PCBP3: variants seen among roughly 807,000 people sequenced by gnomAD.
PCBP3 encodes the protein poly(rC)-binding protein 3.
Under a neutral mutation model 52.7 loss-of-function variants are expected in PCBP3, and 25 were observed. The ratio of observed to expected loss-of-function variants is 0.47; its 90% CI spans 0.35 to 0.66. PCBP3 has a LOEUF of 0.66. Among genes scored for constraint, PCBP3 ranks in the 30% least tolerant of loss-of-function variants. PCBP3 has a pLI of 0.01. For missense variants in PCBP3, 391 were observed against 490.3 expected (o/e 0.80, Z 1.91); for synonymous variants, 162 against 183.0 (o/e 0.89, Z 0.93).
In PCBP3 at chr21:45,911,029, A is replaced by G; in HGVS notation, c.599A>G (p.Glu200Gly). 6.2e-7 allele frequency: 1 copy of G among 1,609,616 alleles called. No individual in the cohort carries two copies. The highest frequency in any genetic ancestry group is 8.5e-7 in the Non-Finnish European group (1 of 1,179,936). ...AAGCAGATCTGTGTGGTCATGCTGG[A>G]GGTACCGTCTGCGCGCCAGGGCCAG... ...CVKQICVVML[E>G]SPPKGATIPY... is the part of the protein sequence containing the mutation. The change falls in exon 11 of 18, where the codon GAG becomes GGG. Residue 200 changes from glutamate to glycine, a missense_variant and splice_region_variant. By Grantham distance (98) the Glu-to-Gly change is moderately conservative (BLOSUM62 -2). Transcript: ENST00000681687.
intron 5 of PCBP3, among the ~76,000 whole-genome samples, chr21:45,852,814 C>G (rs1359173916): frequency 6.6e-6 from 1 of 152,192 alleles, no homozygotes; most frequent in Non-Finnish European, 1.5e-5. Context: ...TGATTCAGAC[C>G]TCTGACTTCT....
Position 45,735,753 on chromosome 21 carries a change from G to A in PCBP3, c.-162+324G>A, listed in dbSNP as rs1161360599. Among the ~76,000 whole-genome samples the A allele has an allele frequency of 1.3e-5, 2 of 152,220 alleles. No homozygotes were observed. The highest frequency in any genetic ancestry group is 4.8e-5 in the African/African-American group (2 of 41,464). ...GCAGGAGCTGGAGGGCCAGTTGTTA[G>A]TGCACTTGGAGCCTACTGCACGAGC... On this transcript the variant is annotated intron_variant, in intron 3 of 17. Transcript: ENST00000681687. This position sits in a 1 kb window ranked among gnomAD's most constrained non-coding sequence, Gnocchi z 4.0.
rs1490609917 is a variant in PCBP3 at position 45,802,625 on chromosome 21, G to A, written c.-126+47173G>A. 6.6e-6 allele frequency among the ~76,000 whole-genome samples: 1 copy of A among 152,158 alleles called. No individual in the cohort carries two copies. Among genetic ancestry groups the A allele is most frequent in the Non-Finnish European group, 1.5e-5 (1 of 68,030 alleles). The stretch of plus-strand genomic sequence containing the variant: ...AGGAGGACCGGGCTGGGGGAGGATG[G>A]TGGGGCTCTAAGCAGGGCAGGAGGT... On this transcript the variant is annotated intron_variant, in intron 4 of 17. Transcript: ENST00000681687. The surrounding 1 kb of genome is among the most constrained non-coding windows in gnomAD (Gnocchi z 5.1).
intron 6 of PCBP3, among the ~76,000 whole-genome samples, 169 bp from the exon 7 acceptor site, chr21:45,899,430 C>T (rs1449983089): frequency 6.6e-6 from 1 of 152,038 alleles, no homozygotes; most frequent in African/African-American, 2.4e-5. Context: ...CTTGTACACA[C>T]ACCCCTCCCC....
intron 5 of PCBP3, among the ~76,000 whole-genome samples, chr21:45,894,347 C>T (rs2095764888): frequency 6.6e-6 from 1 of 152,158 alleles, no homozygotes; most frequent in Non-Finnish European, 1.5e-5. Context: ...GCCCTGCTGT[C>T]CCTCTGATGG....
chr21:45,809,465 G>A (rs988218279), intron 4 of PCBP3, among the ~76,000 whole-genome samples: 7 of 152,228 alleles, frequency 4.6e-5, no homozygotes, highest in African/African-American at 1.7e-4. Context: ...CGAGCAAGAG[G>A]AGGAAGGGGC....
At position 45,658,113 on chromosome 21, in the gene PCBP3, G is replaced by T. The variant is rs527393738; in HGVS notation, c.-278-10761G>T. 2.6e-5 allele frequency among the ~76,000 whole-genome samples: 4 copies of T among 152,300 alleles called. No individual in the cohort carries two copies. The South Asian group carries it at 8.3e-4, about 32-fold the overall frequency. ...CTATTTTGTTGAGTGTTATTATCAT[G>T]AAAGCGTGTTGAATGTTGTCAGATG... is the stretch of plus-strand genomic sequence containing the variant. On this transcript the variant is annotated intron_variant, in intron 1 of 17. Coordinates refer to ENST00000681687, the MANE Select transcript of PCBP3 (RefSeq NM_001384156.1).
At chr21:45,923,387 C>A (rs2074745352) in intron 13 of PCBP3, among the ~76,000 whole-genome samples, 1 of 152,212 alleles carries the variant, frequency 6.6e-6, no homozygotes, top group Non-Finnish European at 1.5e-5. Flanking sequence ...CAGAGCTGTG[C>A]TACTGCAGCC....
At chr21:45,712,638 C>T (rs1218551766) in intron 2 of PCBP3, among the ~76,000 whole-genome samples, 1 of 151,944 alleles carries the variant, frequency 6.6e-6, no homozygotes, top group African/African-American at 2.4e-5. Flanking sequence ...TTAGCCTGAG[C>T]TATTATATAC....
chr21:45,921,694 C>T (rs1238355391), intron 13 of PCBP3, among the ~76,000 whole-genome samples: 1 of 152,222 alleles, frequency 6.6e-6, no homozygotes, highest in Non-Finnish European at 1.5e-5. Flanking sequence ...TGGCACACGC[C>T]TGTAGTCCCA....
At chr21:45,646,053 T>TTTTCTCTCTCTCTCTCTCTCTCTCTC (rs1487044677) in intron 1 of PCBP3, among the ~76,000 whole-genome samples, 1 of 71,452 alleles carries the variant, frequency 1.4e-5, no homozygotes, top group Non-Finnish European at 2.9e-5. Context: ...TGTCACCTGT[T>TTTTCTCTCTCTCTCTCTCTCTCTCTC]TCTCTCTCTC....
intron 6 of PCBP3, among the ~76,000 whole-genome samples, chr21:45,898,180 C>T (rs1045742910): frequency 6.6e-6 from 1 of 152,182 alleles, no homozygotes; most frequent in African/African-American, 2.4e-5. Context: ...GTGCACGGCC[C>T]CATCTCCAGC....
rs1472591349 is a variant in PCBP3 at position 45,837,854 on chromosome 21, G to A, written c.-125-12107G>A. ...TCCGCCACTGCTGGGTTCCCCACCA[G>A]CCTTGCAGCTTGCTGTCAATATTCA... On this transcript the variant is annotated intron_variant, in intron 4 of 17. Transcript: ENST00000681687. This position sits in a 1 kb window ranked among gnomAD's most constrained non-coding sequence, Gnocchi z 4.1. Among the ~76,000 whole-genome samples the A allele has an allele frequency of 6.6e-6, 1 of 152,258 alleles. No homozygotes were observed. Among genetic ancestry groups the A allele is most frequent in the African/African-American group, 2.4e-5 (1 of 41,478 alleles).
chr21:45,652,798 C>A (rs1375860198), intron 1 of PCBP3, among the ~76,000 whole-genome samples: 3 of 152,088 alleles, frequency 2.0e-5, no homozygotes, highest in East Asian at 3.9e-4. Context: ...GTGAAATTGG[C>A]TTGTAATTTT....
intron 2 of PCBP3, among the ~76,000 whole-genome samples, chr21:45,715,129 T>C (rs1401076492): frequency 6.6e-6 from 1 of 152,188 alleles, no homozygotes; most frequent in African/African-American, 2.4e-5. Flanking sequence ...TTTGGTATTG[T>C]TTTTGGATAT....
At chr21:45,686,219 A>G (rs2082144874) in intron 2 of PCBP3, among the ~76,000 whole-genome samples, 1 of 152,180 alleles carries the variant, frequency 6.6e-6, no homozygotes, top group Non-Finnish European at 1.5e-5. Context: ...TGCCTGGCCT[A>G]AGATGAACAA....
rs536504574 is a variant in PCBP3 at position 45,788,848 on chromosome 21, A to T, written c.-126+33396A>T. On this transcript the variant is annotated intron_variant, in intron 4 of 17. Coordinates refer to ENST00000681687, the MANE Select transcript of PCBP3 (RefSeq NM_001384156.1). This position sits in a 1 kb window ranked among gnomAD's most constrained non-coding sequence, Gnocchi z 4.3. ...CTATGCAGAATGTTAATGACTCACC[A>T]GTCACAGGGCAGTTCTCCTCAGGTT... is the stretch of plus-strand genomic sequence containing the variant. The T allele has an allele frequency of 2.0e-5, 3 of 152,366 alleles. No individual in the cohort carries two copies. The highest frequency in any genetic ancestry group is 7.2e-5 in the African/African-American group (3 of 41,580). 9.4% of individuals were successfully genotyped at this position (152,366 alleles called of 1,614,324 possible).
At chr21:45,819,664 T>C (rs570558906) in intron 4 of PCBP3, among the ~76,000 whole-genome samples, 191 of 152,014 alleles carry the variant, frequency 1.3e-3, no homozygotes, top group African/African-American at 4.5e-3. Context: ...GGTGCTATCT[T>C]GGCTGAGGTG....
intron 2 of PCBP3, among the ~76,000 whole-genome samples, chr21:45,699,490 AAG>A (rs1165315674): frequency 6.6e-6 from 1 of 152,230 alleles, no homozygotes; most frequent in Non-Finnish European, 1.5e-5. Flanking sequence ...AAGAGGCAGT[AAG>A]AGAGTCCAGA....
Sources: gnomAD v4.1 joint callset for allele counts (sites outside exome capture counted in the v4.1 genomes callset) on GRCh38, gnomAD v4.1.1 for gene constraint, Gnocchi (gnomAD v3.1) non-coding constraint, MANE v1.5 for transcripts, NCBI Gene and HGNC (gene_info 2026-07-23, HGNC 2026-07-21) for gene names.